Variants in EPB41L3 observed in about 807,000 individuals in gnomAD.
The protein encoded by EPB41L3 is erythrocyte membrane protein band 4.1 like 3.
A neutral mutation model predicts 127.1 loss-of-function variants in EPB41L3; 57 were observed. The observed-to-expected ratio is 0.45, with a 90% CI of 0.36 to 0.56. The LOEUF (loss-of-function observed/expected upper bound fraction) is 0.56. Among genes scored for constraint, EPB41L3 ranks in the 20% least tolerant of loss-of-function variants. The pLI is 0.00. For synonymous variants in EPB41L3, 572 were observed against 549.5 expected, an observed-to-expected ratio of 1.04 and a Z score of -0.57; for missense variants, 1,273 against 1,372.2, an observed-to-expected ratio of 0.93 and a Z score of 1.14.
chr18:5,412,519 C>T (rs1019426178), intron 13 of EPB41L3, among the ~76,000 whole-genome samples: 3 of 152,180 alleles, frequency 2.0e-5, no homozygotes, highest in Admixed American at 6.5e-5. Context: ...AGCCACCGCG[C>T]GCCCAGCTCG....
chr18:5,472,926 T>G (rs1430723995), intron 3 of EPB41L3, among the ~76,000 whole-genome samples: 1 of 152,208 alleles, frequency 6.6e-6, no homozygotes. Flanking sequence ...CTCTGGTCCC[T>G]TACAAGCATC....
chr18:5,615,504 T>C (rs1412172664), intron 1 of EPB41L3, among the ~76,000 whole-genome samples: 1 of 152,180 alleles, frequency 6.6e-6, no homozygotes, highest in African/African-American at 2.4e-5. Flanking sequence ...AGACCTACTA[T>C]TTGAGAACAC....
intron 1 of EPB41L3, among the ~76,000 whole-genome samples, chr18:5,500,460 C>G (rs188916827): frequency 3.6e-4 from 55 of 152,272 alleles, no homozygotes; most frequent in African/African-American, 1.2e-3. Flanking sequence ...TGAAATGGGT[C>G]TCTCTTTCAC....
intron 1 of EPB41L3, among the ~76,000 whole-genome samples, chr18:5,615,666 G>C (rs1228154425): frequency 2.6e-5 from 4 of 152,198 alleles, no homozygotes; most frequent in African/African-American, 7.2e-5. Context: ...TTGGCACATA[G>C]TAGGCCCTCA....
chr18:5,598,610 T>C (rs1329617620), intron 3 of EPB41L3, among the ~76,000 whole-genome samples: 1 of 152,186 alleles, frequency 6.6e-6, no homozygotes, highest in African/African-American at 2.4e-5. Context: ...TCTGAGAACC[T>C]CCATATTAGA....
intron 22 of EPB41L3, 51 bp from the exon 23 acceptor site, chr18:5,393,529 T>C: frequency 1.4e-6 from 1 of 699,648 alleles, no homozygotes; most frequent in Middle Eastern, 2.3e-4. Context: ...ACTGAAAGAT[T>C]TTCTCAGATC....
At chr18:5,559,857 CTAG>C (rs1291774203) in intron 3 of EPB41L3, among the ~76,000 whole-genome samples, 1 of 152,162 alleles carries the variant, frequency 6.6e-6, no homozygotes, top group African/African-American at 2.4e-5. Context: ...GACAGTTTTC[CTAG>C]TAGGACTAGA....
At chr18:5,460,084 T>C (rs193072123) in intron 3 of EPB41L3, among the ~76,000 whole-genome samples, 146 of 152,318 alleles carry the variant, frequency 9.6e-4, no homozygotes, top group Admixed American at 2.1e-3. Flanking sequence ...TTCCAGTGTC[T>C]ATTGTCCCTA....
At chr18:5,595,057 C>T (rs1238814847) in intron 3 of EPB41L3, among the ~76,000 whole-genome samples, 2 of 152,152 alleles carry the variant, frequency 1.3e-5, no homozygotes, top group Non-Finnish European at 2.9e-5. Context: ...CTAAAAATGA[C>T]CCAGCTTTTG....
upstream of EPB41L3, chr18:5,544,076 C>T (rs2093831682): frequency 2.0e-6 from 2 of 985,534 alleles, no homozygotes; most frequent in Non-Finnish European, 2.4e-6. Flanking sequence ...CACCGAGGCT[C>T]CGCGGAGCTG....
chr18:5,393,624 T>C (rs2072758759), intron 22 of EPB41L3, 146 bp from the exon 23 acceptor site: 2 of 546,704 alleles, frequency 3.7e-6, no homozygotes, highest in Middle Eastern at 4.0e-4. Flanking sequence ...CACTGCCAAT[T>C]ACATGCTTTC....
chr18:5,466,024 G>C (rs1599324346), intron 3 of EPB41L3, among the ~76,000 whole-genome samples: 1 of 150,606 alleles, frequency 6.6e-6, no homozygotes, highest in African/African-American at 2.4e-5. Flanking sequence ...GTAACCTTTA[G>C]GCAGAGCATT....
chr18:5,421,361 T>C (rs1368762448), intron 11 of EPB41L3, among the ~76,000 whole-genome samples: 2 of 151,908 alleles, frequency 1.3e-5, no homozygotes, highest in Non-Finnish European at 2.9e-5. Context: ...CATATAGAAA[T>C]AGGTAATAGA....
intron 1 of EPB41L3, among the ~76,000 whole-genome samples, chr18:5,491,974 G>A (rs1416775835): frequency 6.6e-6 from 1 of 152,138 alleles, no homozygotes; most frequent in African/African-American, 2.4e-5. Flanking sequence ...ATATACCAAT[G>A]TAAGCAAGCA....
chr18:5,613,593 G>A (rs533629697), intron 2 of EPB41L3, among the ~76,000 whole-genome samples: 84 of 152,282 alleles, frequency 5.5e-4, no homozygotes, highest in African/African-American at 1.7e-3. Context: ...TCAGGGACCC[G>A]TGAGGTCAAA....
intron 1 of EPB41L3, among the ~76,000 whole-genome samples, chr18:5,509,355 C>T (rs1426916164): frequency 6.6e-6 from 1 of 152,174 alleles, no homozygotes; most frequent in Non-Finnish European, 1.5e-5. Flanking sequence ...CTGGGGAACA[C>T]CAACTAGCTC....
intron 3 of EPB41L3, among the ~76,000 whole-genome samples, chr18:5,447,028 A>T (rs1005783173): frequency 6.6e-6 from 1 of 152,236 alleles, no homozygotes; most frequent in Non-Finnish European, 1.5e-5. Context: ...TCTCTAGTTC[A>T]CAGGTAAGAA....
intron 1 of EPB41L3, among the ~76,000 whole-genome samples, chr18:5,622,484 G>A (rs979906227): frequency 3.9e-5 from 6 of 152,140 alleles, no homozygotes; most frequent in Admixed American, 6.5e-5. Flanking sequence ...CAGTTGCTAC[G>A]CATCCCAGTA....
chr18:5,524,968 A>G (rs1009865348), intron 1 of EPB41L3, among the ~76,000 whole-genome samples: 2 of 152,238 alleles, frequency 1.3e-5, no homozygotes, highest in African/African-American at 4.8e-5. Context: ...TGCACACAAT[A>G]AAAGCTCCCA....
Sources: gnomAD v4.1 joint callset for allele counts (sites outside exome capture counted in the v4.1 genomes callset) on GRCh38, gnomAD v4.1.1 for gene constraint, MANE v1.5 for transcripts, NCBI Gene and HGNC (gene_info 2026-07-23, HGNC 2026-07-21) for gene names.